MYO7B: variants seen among roughly 807,000 people sequenced by gnomAD.
The protein encoded by MYO7B is unconventional myosin-VIIb.
A neutral mutation model predicts 259.7 loss-of-function variants in MYO7B; 212 were observed. That is an observed-to-expected ratio of 0.82 (90% CI 0.73 to 0.91). The LOEUF (loss-of-function observed/expected upper bound fraction) is 0.91, where lower values mean the gene tolerates loss of function less well. Among genes scored for constraint, MYO7B ranks in the 40% least tolerant of loss-of-function variants. MYO7B has a pLI of 0.00. For missense variants in MYO7B, 2,732 were observed against 2,813.5 expected (o/e 0.97, Z 0.66); for synonymous variants, 1,197 against 1,166.4 (o/e 1.03, Z -0.54).
intron 41 of MYO7B, 91 bp downstream of exon 41, chr2:127,634,380 G>A (rs116787963): frequency 0.022 from 24,020 of 1,077,554 alleles, 332 homozygotes; most frequent in Non-Finnish European, 0.026. Flanking sequence ...CCTACCAGGG[G>A]CACCCATGCT....
chr2:127,611,182 G>A lies in MYO7B; in HGVS notation c.3193-1068G>A, dbSNP rs1049626242. 2.6e-5 allele frequency among the ~76,000 whole-genome samples: 4 copies of A among 152,196 alleles called. No homozygotes were observed. Among genetic ancestry groups the A allele is most frequent in the African/African-American group, 9.7e-5 (4 of 41,444 alleles). On this transcript the variant is annotated intron_variant, in intron 24 of 47. Coordinates refer to ENST00000409816, the MANE Select transcript of MYO7B (RefSeq NM_001393586.1). This position sits in a 1 kb window ranked among gnomAD's most constrained non-coding sequence, Gnocchi z 5.4. ...TGTGGGCCTTTCCACAAAGCTGCCT[G>A]GGCATCCTCACAACATGGCTTCCCT...
At position 127,636,236 on chromosome 2, in the gene MYO7B, A is replaced by G; in HGVS notation, c.6035A>G (p.Lys2012Arg). 3 of 1,613,498 alleles carry G rather than the reference A, an allele frequency of 1.9e-6. No homozygotes were observed. The highest frequency in any genetic ancestry group is 1.1e-5 in the South Asian group (1 of 91,072). The change falls in exon 45 of 48, where the codon AAG becomes AGG. Residue 2012 changes from lysine (K) to arginine (R), a missense_variant. Lys to Arg is a conservative substitution (Grantham distance 26, BLOSUM62 2). Transcript: ENST00000409816. This position sits in a 1 kb window ranked among gnomAD's most constrained non-coding sequence, Gnocchi z 4.5. ...KSILLAYDKH[K>R]DKTVEEAKVA... Reference sequence around the variant, plus strand: ...ATCCTTCTAGCCTATGACAAGCATAAGGACAAGACAGTGGAGGAGGCCAAG... The same window carrying G: ...ATCCTTCTAGCCTATGACAAGCATAGGGACAAGACAGTGGAGGAGGCCAAG...
chr2:127,585,021 G>T lies in MYO7B; in HGVS notation c.1690+108G>T, dbSNP rs1679248083. 7.1e-7 allele frequency: 1 copy of T among 1,414,870 alleles called. No homozygotes were observed. Among genetic ancestry groups the T allele is most frequent in the Non-Finnish European group, 9.8e-7 (1 of 1,024,900 alleles). 87.6% of individuals were successfully genotyped at this position (1,414,870 alleles called of 1,614,324 possible). ...GGCTATTTTGCAGCTCTAGCAATGG[G>T]GCAGAGGGATGAGTAGTATGGCTTC... is the stretch of plus-strand genomic sequence containing the variant. On this transcript the variant is annotated intron_variant, in intron 14 of 47. Coordinates refer to ENST00000409816, the MANE Select transcript of MYO7B (RefSeq NM_001393586.1). This position sits in a 1 kb window ranked among gnomAD's most constrained non-coding sequence, Gnocchi z 4.3.
chr2:127,630,795 A>C lies in MYO7B; in HGVS notation c.4824A>C (p.Ser1608=), dbSNP rs766539456. ...CCCTTCAGAGCTTGCTTGCCATGTC[A>C]CCAGAGAAGAGGAAGCTGGCGGCTC... is the stretch of plus-strand genomic sequence containing the variant. ...SAQLLSLLAM[S]PEKRKLAAQE... Residue 1608 remains serine, a synonymous_variant, in exon 36 of 48, where the codon TCA becomes TCC. Coordinates refer to ENST00000409816, the MANE Select transcript of MYO7B (RefSeq NM_001393586.1). The C allele has an allele frequency of 6.2e-7, 1 of 1,612,968 alleles. No homozygotes were observed. Among genetic ancestry groups the C allele is most frequent in the Non-Finnish European group, 8.5e-7 (1 of 1,179,782 alleles).
chr2:127,582,412 G>T lies in MYO7B; in HGVS notation c.1309G>T (p.Asp437Tyr). The change falls in exon 12 of 48, where the codon GAC (aspartate) becomes TAC (tyrosine). Residue 437 changes from aspartate (D) to tyrosine (Y), a missense_variant. Physicochemically the swap from Asp to Tyr is radical, Grantham distance 160. Transcript: ENST00000409816. ...KNVRRAIGLL[D>Y]IFGFENFENN... ...TGTGCGGAGGGCCATCGGCCTCCTG[G>T]ACATATTTGGCTTTGAAAATTTCGA... 2 of 1,613,360 alleles carry T rather than the reference G, an allele frequency of 1.2e-6. No homozygotes were observed. Among genetic ancestry groups the T allele is most frequent in the South Asian group, 2.2e-5 (2 of 90,832 alleles).
intron 2 of MYO7B, among the ~76,000 whole-genome samples, chr2:127,560,476 T>C (rs1248845093): frequency 6.6e-6 from 1 of 152,110 alleles, no homozygotes; most frequent in Non-Finnish European, 1.5e-5. Flanking sequence ...CAACAAATAT[T>C]CCTGTGTTCC....
At chr2:127,591,775 A>G (rs1436617094) in intron 16 of MYO7B, among the ~76,000 whole-genome samples, 1 of 152,118 alleles carries the variant, frequency 6.6e-6, no homozygotes, top group Non-Finnish European at 1.5e-5. Context: ...AATCCAAGCC[A>G]TGGCAGAGTC....
Position 127,614,834 on chromosome 2 carries a change from G to T in MYO7B, c.3398+2231G>T, listed in dbSNP as rs1680510068. Among the ~76,000 whole-genome samples, 1 of 152,142 alleles carries T rather than the reference G, an allele frequency of 6.6e-6. No individual in the cohort carries two copies. Among genetic ancestry groups the T allele is most frequent in the Non-Finnish European group, 1.5e-5 (1 of 68,032 alleles). Reference sequence around the variant, plus strand: ...GTGGCTTGGTGGCTGCACTAGTTCTGCCACCTTTTAGTAAATCCTACAAGA... The same window carrying T: ...GTGGCTTGGTGGCTGCACTAGTTCTTCCACCTTTTAGTAAATCCTACAAGA... On this transcript the variant is annotated intron_variant, in intron 26 of 47. Transcript: ENST00000409816. This position sits in a 1 kb window ranked among gnomAD's most constrained non-coding sequence, Gnocchi z 4.6.
At chr2:127,612,226 T>C (rs1413345205) in intron 24 of MYO7B, 24 bp from the exon 25 acceptor site, 5 of 596,578 alleles carry the variant, frequency 8.4e-6, no homozygotes, top group Middle Eastern at 5.2e-4. Flanking sequence ...CTCACCTTCC[T>C]GCGGGAACTG....
intron 2 of MYO7B, 103 bp from the exon 3 acceptor site, chr2:127,564,050 G>T: frequency 2.6e-6 from 2 of 763,550 alleles, no homozygotes; most frequent in South Asian, 1.9e-5. Context: ...AGCCACCTTG[G>T]GAGCTCTGGG....
At chr2:127,596,937 G>C (rs185937800) in intron 19 of MYO7B, among the ~76,000 whole-genome samples, 1 of 152,338 alleles carries the variant, frequency 6.6e-6, no homozygotes. Context: ...TCAGTAAGAG[G>C]GTACCGCTAG....
intron 6 of MYO7B, among the ~76,000 whole-genome samples, chr2:127,573,596 C>T (rs186471109): frequency 8.0e-4 from 122 of 152,304 alleles, no homozygotes; most frequent in African/African-American, 2.7e-3. Context: ...GTTCTGAGCC[C>T]GGCATTTAAG....
rs1265528283 is a variant in MYO7B, at chr2:127,584,833, C to T, written c.1610C>T (p.Ala537Val). Residue 537 changes from alanine to valine, a missense_variant, in exon 14 of 48, where the codon GCC becomes GTC. Transcript: ENST00000409816. The surrounding 1 kb of genome is among the most constrained non-coding windows in gnomAD (Gnocchi z 5.8). ...KLNSVHANNK[A>V]FLQPKNIHDA... ...AACAGCGTCCATGCCAACAACAAGG[C>T]CTTCCTACAGCCCAAGAACATCCAC... The T allele has an allele frequency of 6.2e-7, 1 of 1,613,982 alleles. No homozygotes were observed. Among genetic ancestry groups the T allele is most frequent in the Admixed American group, 1.7e-5 (1 of 60,016 alleles).
At position 127,609,986 on chromosome 2, in the gene MYO7B, C is replaced by T. The variant is rs1292615603; in HGVS notation, c.3162C>T (p.Ala1054=). The change falls in exon 24 of 48, where the codon GCC becomes GCT. Residue 1054 remains alanine (A), a synonymous_variant. Transcript: ENST00000409816. This position sits in a 1 kb window ranked among gnomAD's most constrained non-coding sequence, Gnocchi z 6.9. ...IHDTLGREHG[A]QVPQHSRSAQ... Reference sequence around the variant, plus strand: ...ACACGCTGGGCAGGGAGCACGGTGCCCAGGTTCCACAGCACAGTAGATCTG... The same window carrying T: ...ACACGCTGGGCAGGGAGCACGGTGCTCAGGTTCCACAGCACAGTAGATCTG... 6.2e-7 allele frequency: 1 copy of T among 1,608,870 alleles called. No individual in the cohort carries two copies. Among genetic ancestry groups the T allele is most frequent in the African/African-American group, 1.3e-5 (1 of 74,824 alleles).
chr2:127,609,412 G>A lies in MYO7B; in HGVS notation c.2815-94G>A. The stretch of plus-strand genomic sequence containing the variant: ...CCTGAGGGATCAGGGTAATGCAACA[G>A]CCCCCGTGCTGCCCGGCCTGCTGGA... On this transcript the variant is annotated intron_variant, in intron 22 of 47. Transcript: ENST00000409816. This position sits in a 1 kb window ranked among gnomAD's most constrained non-coding sequence, Gnocchi z 6.9. 1 of 1,149,924 alleles carries A rather than the reference G, an allele frequency of 8.7e-7. No homozygotes were observed. Among genetic ancestry groups the A allele is most frequent in the Non-Finnish European group, 1.3e-6 (1 of 793,654 alleles). The allele number at this position is 1,149,924 out of a possible 1,614,324, so 71.2% of individuals were successfully genotyped here.
At chr2:127,634,441 G>A (rs1468078866) in intron 41 of MYO7B, 152 bp downstream of exon 41, 1 of 878,052 alleles carries the variant, frequency 1.1e-6, no homozygotes, top group African/African-American at 1.7e-5. Context: ...GTGGGGTCCT[G>A]GAGCAGAGCC....
In MYO7B at chr2:127,607,104, T is replaced by A. The variant is rs1317810691; in HGVS notation, c.2425-102T>A. 3 of 1,158,266 alleles carry A rather than the reference T, an allele frequency of 2.6e-6. No individual in the cohort carries two copies. The highest frequency in any genetic ancestry group is 3.6e-6 in the Non-Finnish European group (3 of 829,830). The allele number at this position is 1,158,266 out of a possible 1,614,324, so 71.7% of individuals were successfully genotyped here. A position where few individuals can be genotyped will look rare whatever the true frequency, so the allele number is the denominator to read the frequency against. On this transcript the variant is annotated intron_variant, in intron 20 of 47. Coordinates refer to ENST00000409816, the MANE Select transcript of MYO7B (RefSeq NM_001393586.1). The surrounding 1 kb of genome is among the most constrained non-coding windows in gnomAD (Gnocchi z 4.4). The stretch of plus-strand genomic sequence containing the variant: ...CACCGGCCCTTTGCCAAAACAAAAC[T>A]AACTGTAAATCTATCTTGCACTGCC...
At position 127,628,018 on chromosome 2, in the gene MYO7B, G is replaced by A. The variant is rs968667778; in HGVS notation, c.4461-354G>A. 45 of 495,888 alleles carry A rather than the reference G, an allele frequency of 9.1e-5. No individual in the cohort carries two copies. The Admixed American group carries it at 1.0e-3, about 11-fold the overall frequency. The allele number at this position is 495,888 out of a possible 1,614,324, so 30.7% of individuals were successfully genotyped here. Reference sequence around the variant, plus strand: ...CAGATGAGCGGATGAGTAAACTGAAGCACGCCGAGGTTAGGTGGCTCAGAG... The same window carrying A: ...CAGATGAGCGGATGAGTAAACTGAAACACGCCGAGGTTAGGTGGCTCAGAG... On this transcript the variant is annotated intron_variant, in intron 33 of 47. Coordinates refer to ENST00000409816, the MANE Select transcript of MYO7B (RefSeq NM_001393586.1). The surrounding 1 kb of genome is among the most constrained non-coding windows in gnomAD (Gnocchi z 4.8).
At position 127,578,157 on chromosome 2, in the gene MYO7B, C is replaced by T. The variant is rs755528891; in HGVS notation, c.874C>T (p.Leu292Phe). 3 of 1,613,828 alleles carry T rather than the reference C, an allele frequency of 1.9e-6. No individual in the cohort carries two copies. Among genetic ancestry groups the T allele is most frequent in the Admixed American group, 3.3e-5 (2 of 60,016 alleles). Residue 292 changes from leucine (L) to phenylalanine (F), a missense_variant, in exon 9 of 48, where the codon CTC becomes TTC. Physicochemically the swap from Leu to Phe is conservative, Grantham distance 22. Transcript: ENST00000409816. ...GGGGAACTGCACTTCCTGTGAGGGG[C>T]TCAACGACGCCAAGGACTACGCCCA... The part of the protein sequence containing the change: ...TMGNCTSCEG[L>F]NDAKDYAHIR...
Sources: gnomAD v4.1 joint callset for allele counts (sites outside exome capture counted in the v4.1 genomes callset) on GRCh38, gnomAD v4.1.1 for gene constraint, Gnocchi (gnomAD v3.1) non-coding constraint, MANE v1.5 for transcripts, NCBI Gene and HGNC (gene_info 2026-07-23, HGNC 2026-07-21) for gene names.